Variants in BANF2 observed in about 807,000 individuals in gnomAD.
BANF2 encodes the protein barrier-to-autointegration factor-like protein.
Under a neutral mutation model 8.0 loss-of-function variants are expected in BANF2, and 4 were observed. That is an observed-to-expected ratio of 0.50 (90% confidence interval 0.25 to 1.14). The LOEUF is 1.14. Ranked by LOEUF, BANF2 falls within the 50% of genes most tolerant of loss-of-function variation. The pLI is 0.16. For missense variants in BANF2, 96 were observed against 107.5 expected, an observed-to-expected ratio of 0.89 and a Z score of 0.47; for synonymous variants, 50 against 40.6, an observed-to-expected ratio of 1.23 and a Z score of -0.88.
chr20:17,728,321 T>C (rs2037840152), intron 3 of BANF2, among the ~76,000 whole-genome samples: 1 of 152,194 alleles, frequency 6.6e-6, no homozygotes, highest in African/African-American at 2.4e-5. Flanking sequence ...TGCAGGCCTG[T>C]GGGCCACCCT....
chr20:17,701,443 AT>A (rs2122565605), intron 1 of BANF2, among the ~76,000 whole-genome samples: 1 of 152,334 alleles, frequency 6.6e-6, no homozygotes, highest in Admixed American at 6.5e-5. Flanking sequence ...AACCTGGAGC[AT>A]GCCTTCACTC....
At chr20:17,728,797 T>C (rs34263007) in intron 3 of BANF2, among the ~76,000 whole-genome samples, 17,704 of 152,168 alleles carry the variant, frequency 0.12, 1,242 homozygotes, top group East Asian at 0.16. Flanking sequence ...GCATCAGCTG[T>C]GGCCTGAGGA....
At chr20:17,696,477 G>C (rs992183844), upstream of BANF2, among the ~76,000 whole-genome samples, 2 of 152,172 alleles carry the variant, frequency 1.3e-5, no homozygotes, top group Admixed American at 6.5e-5. Flanking sequence ...TCAACACTTA[G>C]TATTGTTGCT....
intron 1 of BANF2, among the ~76,000 whole-genome samples, chr20:17,700,512 C>T (rs147586051): frequency 2.0e-4 from 31 of 152,326 alleles, no homozygotes; most frequent in African/African-American, 7.5e-4. Context: ...GAACGACGGT[C>T]CTTCCTTTCT....
intron 1 of BANF2, among the ~76,000 whole-genome samples, chr20:17,706,182 G>A (rs1218342316): frequency 6.6e-6 from 1 of 152,224 alleles, no homozygotes; most frequent in Non-Finnish European, 1.5e-5. Context: ...GCTGAAGGGT[G>A]AAGGTTCCTA....
chr20:17,733,236 C>T (rs560714015), intron 3 of BANF2, among the ~76,000 whole-genome samples: 2 of 152,154 alleles, frequency 1.3e-5, no homozygotes, highest in Non-Finnish European at 2.9e-5. Flanking sequence ...GCCTCCAGGC[C>T]AGACTGTGGA....
At chr20:17,699,685 A>C (rs950766954), upstream of BANF2, among the ~76,000 whole-genome samples, 2 of 152,172 alleles carry the variant, frequency 1.3e-5, no homozygotes, top group Non-Finnish European at 2.9e-5. Context: ...GAGAATAGGA[A>C]CCGTGGCAGC....
chr20:17,693,702 C>A, exon 1 of BANF2: 2 of 1,551,614 alleles, frequency 1.3e-6, no homozygotes, highest in Non-Finnish European at 1.7e-6. Context: ...CTGCGAGGAA[C>A]AAAGGTAAGG....
chr20:17,734,036 G>A (rs2037940256), intron 3 of BANF2, among the ~76,000 whole-genome samples: 1 of 152,216 alleles, frequency 6.6e-6, no homozygotes, highest in African/African-American at 2.4e-5. Context: ...CCAGCCCTGA[G>A]AGATGGGCGT....
chr20:17,698,993 A>G (rs2037375297), upstream of BANF2, among the ~76,000 whole-genome samples: 1 of 152,018 alleles, frequency 6.6e-6, no homozygotes, highest in South Asian at 2.1e-4. Flanking sequence ...AAGCAGCCTC[A>G]ACGTCATGTG....
rs2037788812 is a variant in BANF2 at position 17,725,142 on chromosome 20, TATCA to T, written c.120_123del (p.Asn41ArgfsTer11). 6.2e-7 allele frequency: 1 copy of T among 1,612,162 alleles called. No homozygotes were observed. Among genetic ancestry groups the T allele is most frequent in the Non-Finnish European group, 8.5e-7 (1 of 1,178,292 alleles). ...TCGCGATCAATTTGGTCACCAAAGG[TATCA>T]ATAAGGTAATTCATATTTTCTTACT... On this transcript the variant is annotated frameshift_variant, in exon 3 of 4. Coordinates refer to ENST00000246090, the MANE Select transcript of BANF2 (RefSeq NM_178477.5). LOFTEE classifies it high-confidence loss of function.
At chr20:17,735,636 C>A in intron 3 of BANF2, 29 bp from the exon 4 acceptor site, 1 of 1,607,968 alleles carries the variant, frequency 6.2e-7, no homozygotes, top group Non-Finnish European at 8.5e-7. Flanking sequence ...ACCTTTCCTG[C>A]TTTCCTCCCT....
At chr20:17,728,081 C>T (rs975105879) in intron 3 of BANF2, among the ~76,000 whole-genome samples, 2 of 152,182 alleles carry the variant, frequency 1.3e-5, no homozygotes, top group Admixed American at 6.5e-5. Flanking sequence ...CAGGGAGGGA[C>T]ATCTTTCTGA....
chr20:17,694,276 A>T (rs2037323740), intron 1 of BANF2, among the ~76,000 whole-genome samples: 1 of 152,082 alleles, frequency 6.6e-6, no homozygotes, highest in African/African-American at 2.4e-5. Flanking sequence ...GAGTGGGAGG[A>T]GGCTATTTTG....
upstream of BANF2, among the ~76,000 whole-genome samples, chr20:17,696,801 C>T (rs532051796): frequency 4.6e-5 from 7 of 152,246 alleles, no homozygotes; most frequent in South Asian, 2.1e-4. Flanking sequence ...TCAGCCAAGC[C>T]GCGATTGGAT....
At chr20:17,712,406 CTGT>C in intron 1 of BANF2, 1 of 363,710 alleles carries the variant, frequency 2.7e-6, no homozygotes, top group South Asian at 1.1e-4. Context: ...TCAGAAGTGA[CTGT>C]TGTTGTCATC....
chr20:17,710,776 C>T (rs1348713994), intron 1 of BANF2, among the ~76,000 whole-genome samples: 2 of 152,166 alleles, frequency 1.3e-5, no homozygotes, highest in African/African-American at 4.8e-5. Context: ...TCATCAGATC[C>T]AGAGAGGGTA....
chr20:17,733,212 C>T (rs112895452), intron 3 of BANF2, among the ~76,000 whole-genome samples: 1 of 152,286 alleles, frequency 6.6e-6, no homozygotes, highest in Non-Finnish European at 1.5e-5. Flanking sequence ...CTAAAACGGG[C>T]AGGGGATGCA....
At chr20:17,712,494 A>G in intron 1 of BANF2, 6 of 979,702 alleles carry the variant, frequency 6.1e-6, no homozygotes, top group Non-Finnish European at 7.3e-6. Context: ...TCCTGACTCT[A>G]CCCACTGGAA....
Sources: allele counts gnomAD v4.1 joint callset (sites outside exome capture counted in the v4.1 genomes callset), GRCh38; gene constraint gnomAD v4.1.1; transcripts MANE v1.5; gene names NCBI Gene and HGNC (gene_info 2026-07-23, HGNC 2026-07-21).